CFAP45: variants seen among roughly 807,000 people sequenced by gnomAD.
CFAP45 encodes the protein cilia and flagella associated protein 45, also known as cilia- and flagella-associated protein 45.
CFAP45 carries 43 observed loss-of-function variants against 75.6 expected under a neutral mutation model. The ratio of observed to expected loss-of-function variants is 0.57; its 90% confidence interval spans 0.45 to 0.73. The LOEUF (loss-of-function observed/expected upper bound fraction) is 0.73, where lower values mean the gene tolerates loss of function less well. CFAP45 is among the 30% of genes least tolerant of loss of function. The probability of loss-of-function intolerance (pLI) is 0.00; values close to 1 mark genes in which losing one functional copy is unlikely to be tolerated. For missense variants in CFAP45, 689 were observed against 701.5 expected (o/e 0.98, Z 0.20); for synonymous variants, 223 against 244.6 (o/e 0.91, Z 0.82).
chr1:159,872,824 C>A, intron 11 of CFAP45, 120 bp downstream of exon 11: 2 of 1,002,034 alleles, frequency 2.0e-6, no homozygotes, highest in South Asian at 1.5e-5. Context: ...GGGAGAAGAG[C>A]CTCTCCCTGA....
chr1:159,878,820 G>A (rs1447591534), intron 8 of CFAP45, among the ~76,000 whole-genome samples: 1 of 134,914 alleles, frequency 7.4e-6, no homozygotes, highest in African/African-American at 2.8e-5. Flanking sequence ...AGACTTCTGT[G>A]AAGCCCAGTG....
chr1:159,873,026 C>T lies in CFAP45; in HGVS notation c.1495G>A (p.Glu499Lys). The T allele has an allele frequency of 1.9e-6, 3 of 1,614,266 alleles. No homozygotes were observed. The highest frequency in any genetic ancestry group is 2.5e-6 in the Non-Finnish European group (3 of 1,180,056). The part of the protein sequence containing the change: ...EVQNRIATFE[E>K]GRRLKEEAQK... ...GCCTCCTCTTTGAGGCGCCGGCCCTCCTCAAAGGTGGCAATCCGGTTCTGC... is the reference window on the plus strand; with the variant it reads ...GCCTCCTCTTTGAGGCGCCGGCCCTTCTCAAAGGTGGCAATCCGGTTCTGC... Residue 499 changes from glutamate to lysine, a missense_variant, in exon 11 of 12, where the codon GAG (glutamate) becomes AAG (lysine). By Grantham distance (56) the Glu-to-Lys change is moderately conservative (BLOSUM62 1). Transcript: ENST00000368099.
At chr1:159,898,844 C>T (rs749346964) in intron 1 of CFAP45, among the ~76,000 whole-genome samples, 141 of 152,192 alleles carry the variant, frequency 9.3e-4, no homozygotes, top group Non-Finnish European at 1.4e-3. Context: ...TGAAAGGGGA[C>T]GCTCCCCCAC....
chr1:159,888,016 G>C lies in CFAP45; in HGVS notation c.418-5C>G. The C allele has an allele frequency of 6.2e-7, 1 of 1,613,474 alleles. No individual in the cohort carries two copies. Among genetic ancestry groups the C allele is most frequent in the Non-Finnish European group, 8.5e-7 (1 of 1,179,528 alleles). On this transcript the variant is annotated splice_region_variant and splice_polypyrimidine_tract_variant and intron_variant, in intron 4 of 11. Coordinates refer to ENST00000368099, the MANE Select transcript of CFAP45 (RefSeq NM_012337.3). Reference sequence around the variant, plus strand: ...CTTTCGTGTCATCACTGCATCCTAAGGGAGACCAGTCTGGCTCAGTGGGAG... The same window carrying C: ...CTTTCGTGTCATCACTGCATCCTAACGGAGACCAGTCTGGCTCAGTGGGAG...
chr1:159,872,479 C>T lies in CFAP45; in HGVS notation c.*6G>A. 6.2e-7 allele frequency: 1 copy of T among 1,612,442 alleles called. No individual in the cohort carries two copies. The highest frequency in any genetic ancestry group is 8.5e-7 in the Non-Finnish European group (1 of 1,178,412). On this transcript the variant is annotated 3_prime_UTR_variant, in exon 12 of 12. Coordinates refer to ENST00000368099, the MANE Select transcript of CFAP45 (RefSeq NM_012337.3). ...GAAGGCATCCTGAGGGCCACGAAGG[C>T]TCCCCTCAGTTCACAGAGGTAGCTG...
chr1:159,883,147 GAGAATCGTAAA>G (rs1649588462), intron 7 of CFAP45, among the ~76,000 whole-genome samples: 1 of 152,222 alleles, frequency 6.6e-6, no homozygotes, highest in African/African-American at 2.4e-5. Context: ...AGGGGAGGGA[GAGAATCGTAAA>G]AGAATACGTG....
chr1:159,890,746 G>C, intron 2 of CFAP45, 124 bp from the exon 3 acceptor site: 1 of 604,930 alleles, frequency 1.7e-6, no homozygotes, highest in Admixed American at 4.0e-5. Context: ...GTACCGACCA[G>C]CTTTTCTTTT....
intron 1 of CFAP45, among the ~76,000 whole-genome samples, chr1:159,894,054 T>C (rs998772166): frequency 1.3e-5 from 2 of 152,186 alleles, no homozygotes; most frequent in African/African-American, 4.8e-5. Flanking sequence ...CATTACACAA[T>C]GTATATACAT....
At chr1:159,898,509 C>G (rs529584516) in intron 1 of CFAP45, among the ~76,000 whole-genome samples, 1 of 152,214 alleles carries the variant, frequency 6.6e-6, no homozygotes, top group Non-Finnish European at 1.5e-5. Context: ...CCCACTGCTT[C>G]TCAAAGGTGT....
At chr1:159,882,809 C>T (rs1019816396) in intron 7 of CFAP45, among the ~76,000 whole-genome samples, 10 of 152,202 alleles carry the variant, frequency 6.6e-5, no homozygotes, top group African/African-American at 2.4e-4. Flanking sequence ...TCACCCACTA[C>T]CTTGCATATT....
intron 10 of CFAP45, among the ~76,000 whole-genome samples, chr1:159,873,849 C>CCTTCCTTCCTTCCTTCCTTCCTCCTTG (rs55838631): frequency 1.5e-5 from 2 of 136,692 alleles, no homozygotes; most frequent in Admixed American, 1.6e-4. Context: ...TTCCTTCCTT[C>CCTTCCTTCCTTCCTTCCTTCCTCCTTG]CTTCCTTCCT....
intron 7 of CFAP45, 143 bp from the exon 8 acceptor site, chr1:159,880,843 C>G (rs1649532430): frequency 2.8e-6 from 2 of 710,398 alleles, no homozygotes; most frequent in African/African-American, 1.8e-5. Context: ...TTTGTTAAAG[C>G]TGTTTTTTCA....
chr1:159,897,645 G>T (rs982283715), intron 1 of CFAP45, among the ~76,000 whole-genome samples: 2 of 152,120 alleles, frequency 1.3e-5, no homozygotes, highest in Non-Finnish European at 2.9e-5. Context: ...TATGTGCCCA[G>T]AATGTATTAC....
chr1:159,888,555 T>A, intron 3 of CFAP45, 59 bp from the exon 4 acceptor site: 53 of 1,478,280 alleles, frequency 3.6e-5, no homozygotes, highest in Non-Finnish European at 4.5e-5. Context: ...GCACCACACT[T>A]CAGGCTTCTC....
intron 11 of CFAP45, 102 bp from the exon 12 acceptor site, chr1:159,872,665 A>AC: frequency 4.0e-6 from 4 of 999,636 alleles, no homozygotes; most frequent in Non-Finnish European, 6.3e-6. Flanking sequence ...GGGGGCCTGC[A>AC]CCCCCCAACC....
intron 7 of CFAP45, among the ~76,000 whole-genome samples, chr1:159,883,415 C>T (rs12096818): frequency 0.052 from 7,876 of 152,108 alleles, 532 homozygotes; most frequent in East Asian, 0.28. Flanking sequence ...GCCAGAAATA[C>T]ATATTTGGAA....
Position 159,877,565 on chromosome 1 carries a change from C to T in CFAP45, c.1045-103G>A, listed in dbSNP as rs1468187724. ...CTTTCCAATATCTCCCCTACCACTTCCTGACTCCTTTTAAAATAGGACAAA... is the reference window on the plus strand; with the variant it reads ...CTTTCCAATATCTCCCCTACCACTTTCTGACTCCTTTTAAAATAGGACAAA... On this transcript the variant is annotated intron_variant, in intron 8 of 11. Transcript: ENST00000368099. The T allele has an allele frequency of 3.7e-6, 3 of 820,132 alleles. No homozygotes were observed. In the East Asian group the frequency reaches 7.3e-5, roughly 20 times the overall value. 50.8% of individuals were successfully genotyped at this position (820,132 alleles called of 1,614,324 possible). A position where few individuals can be genotyped will look rare whatever the true frequency, so the allele number is the denominator to read the frequency against.
intron 1 of CFAP45, 23 bp downstream of exon 1, chr1:159,900,073 G>C: frequency 6.2e-7 from 1 of 1,613,932 alleles, no homozygotes; most frequent in Non-Finnish European, 8.5e-7. Context: ...GACACAAGGG[G>C]CCCATCTGAG....
chr1:159,896,625 G>T (rs1649957017), intron 1 of CFAP45, among the ~76,000 whole-genome samples: 1 of 152,230 alleles, frequency 6.6e-6, no homozygotes, highest in Non-Finnish European at 1.5e-5. Context: ...TTGCCAAGAA[G>T]CTGAACAGTG....
Sources: allele counts gnomAD v4.1 joint callset (sites outside exome capture counted in the v4.1 genomes callset), GRCh38; gene constraint gnomAD v4.1.1; transcripts MANE v1.5; gene names NCBI Gene and HGNC (gene_info 2026-07-23, HGNC 2026-07-21).